INPP5A: variants seen among roughly 807,000 people sequenced by gnomAD.
INPP5A encodes the protein inositol polyphosphate-5-phosphatase A.
INPP5A carries 14 observed loss-of-function variants against 65.2 expected under a neutral mutation model. The ratio of observed to expected loss-of-function variants is 0.21; its 90% CI spans 0.14 to 0.34. The LOEUF is 0.34. Among genes scored for constraint, INPP5A ranks in the 10% least tolerant of loss-of-function variants. INPP5A has a pLI of 1.00. For missense variants in INPP5A, 431 were observed against 545.6 expected (o/e 0.79, Z 2.09); for synonymous variants, 207 against 208.3 (o/e 0.99, Z 0.05).
chr10:132,631,966 A>G (rs2072281207), intron 2 of INPP5A, among the ~76,000 whole-genome samples: 1 of 152,222 alleles, frequency 6.6e-6, no homozygotes, highest in Non-Finnish European at 1.5e-5. Flanking sequence ...AAGGTCACGC[A>G]TGCCAGTGTC....
Position 132,555,024 on chromosome 10 carries a change from A to G in INPP5A, c.75+16853A>G, listed in dbSNP as rs1427207260. On this transcript the variant is annotated intron_variant, in intron 1 of 15. Transcript: ENST00000368594. The surrounding 1 kb of genome is among the most constrained non-coding windows in gnomAD (Gnocchi z 4.4). Reference sequence around the variant, plus strand: ...GGTCCCTGTGGGTAGTATGGGTGGCATGGTATTGTGTGTGGCATGATTGGT... The same window carrying G: ...GGTCCCTGTGGGTAGTATGGGTGGCGTGGTATTGTGTGTGGCATGATTGGT... 5.3e-3 allele frequency among the ~76,000 whole-genome samples: 588 copies of G among 111,536 alleles called. No individual in the cohort carries two copies. Among genetic ancestry groups the G allele is most frequent in the Middle Eastern group, 0.045 (6 of 132 alleles). The allele number at this position is 111,536 out of a possible 152,430, so 73.2% of individuals were successfully genotyped here. A position where few individuals can be genotyped will look rare whatever the true frequency, so the allele number is the denominator to read the frequency against.
chr10:132,735,945 C>T (rs1846168828), intron 9 of INPP5A, among the ~76,000 whole-genome samples: 1 of 152,210 alleles, frequency 6.6e-6, no homozygotes, highest in Non-Finnish European at 1.5e-5. Context: ...TGCCCCACAC[C>T]AGTCTGTGAA....
intron 1 of INPP5A, among the ~76,000 whole-genome samples, chr10:132,554,123 G>A (rs1183195976): frequency 6.6e-6 from 1 of 152,306 alleles, no homozygotes; most frequent in African/African-American, 2.4e-5. Flanking sequence ...TAGGGAGGGA[G>A]GATTCGAGGG....
At chr10:132,713,591 G>A (rs1305386015) in intron 8 of INPP5A, among the ~76,000 whole-genome samples, 1 of 152,054 alleles carries the variant, frequency 6.6e-6, no homozygotes, top group Non-Finnish European at 1.5e-5. Flanking sequence ...CCCTCTGACC[G>A]CCCCTGACCT....
intron 1 of INPP5A, among the ~76,000 whole-genome samples, chr10:132,553,639 A>C (rs1285067071): frequency 8.4e-6 from 1 of 119,568 alleles, no homozygotes; most frequent in Non-Finnish European, 1.7e-5. Context: ...CTTGGTGTGG[A>C]ATATTGAGTA....
intron 12 of INPP5A, among the ~76,000 whole-genome samples, chr10:132,768,401 G>A (rs376683261): frequency 1.8e-3 from 270 of 152,180 alleles, no homozygotes; most frequent in Non-Finnish European, 3.0e-3. Context: ...ATTCCAGAAA[G>A]ATCCATGGAC....
intron 2 of INPP5A, among the ~76,000 whole-genome samples, chr10:132,613,400 A>AGGT (rs1196376956): frequency 6.6e-6 from 1 of 152,148 alleles, no homozygotes; most frequent in Non-Finnish European, 1.5e-5. Context: ...GGGCTCTTGG[A>AGGT]GGTGGACAGC....
At chr10:132,621,775 G>C (rs1590873860) in intron 2 of INPP5A, among the ~76,000 whole-genome samples, 2 of 151,806 alleles carry the variant, frequency 1.3e-5, no homozygotes, top group African/African-American at 2.4e-5. Context: ...AATCGTGAGG[G>C]GGGTATGTCT....
chr10:132,782,299 T>C lies in INPP5A; in HGVS notation c.*270T>C. 2.7e-6 allele frequency: 1 copy of C among 368,320 alleles called. No individual in the cohort carries two copies. Among genetic ancestry groups the C allele is most frequent in the Non-Finnish European group, 5.2e-6 (1 of 191,452 alleles). The allele number at this position is 368,320 out of a possible 1,614,324, so 22.8% of individuals were successfully genotyped here. ...AGTCACAGTCCTGTTGTCAAAACTC[T>C]AATAGACAGCAAAGAGGGTCTGTAC... is the stretch of plus-strand genomic sequence containing the variant. On this transcript the variant is annotated 3_prime_UTR_variant, in exon 16 of 16. Coordinates refer to ENST00000368594, the MANE Select transcript of INPP5A (RefSeq NM_005539.5). This position sits in a 1 kb window ranked among gnomAD's most constrained non-coding sequence, Gnocchi z 4.4.
rs1278987692 is a variant in INPP5A, at chr10:132,765,397, T to A, written c.904-376T>A. ...GCTCACTCTGCAGGTTACTTGACAC[T>A]CTGGGCAGGACAGGAGCTGTGTTCC... On this transcript the variant is annotated intron_variant, in intron 11 of 15. Coordinates refer to ENST00000368594, the MANE Select transcript of INPP5A (RefSeq NM_005539.5). Among the ~76,000 whole-genome samples, 2 of 152,216 alleles carry A rather than the reference T, an allele frequency of 1.3e-5. 1 individual carries two copies. The highest frequency in any genetic ancestry group is 4.8e-5 in the African/African-American group (2 of 41,450).
At chr10:132,578,678 G>A (rs2071441893) in intron 1 of INPP5A, among the ~76,000 whole-genome samples, 1 of 151,206 alleles carries the variant, frequency 6.6e-6, no homozygotes, top group Non-Finnish European at 1.5e-5. Context: ...AGGAGAGTAT[G>A]TGGGGGCTGG....
intron 9 of INPP5A, among the ~76,000 whole-genome samples, chr10:132,735,883 G>A (rs576213646): frequency 1.3e-5 from 2 of 152,338 alleles, no homozygotes; most frequent in Admixed American, 1.3e-4. Context: ...AGACCTGCTT[G>A]TGATTTTTGG....
chr10:132,726,556 G>A (rs1845988228), intron 8 of INPP5A, among the ~76,000 whole-genome samples: 2 of 152,252 alleles, frequency 1.3e-5, no homozygotes, highest in South Asian at 4.1e-4. Flanking sequence ...AGGCAGCTGA[G>A]ACTCTGCCTT....
At position 132,732,218 on chromosome 10, in the gene INPP5A, C is replaced by T. The variant is rs116048555; in HGVS notation, c.732+5313C>T. Among the ~76,000 whole-genome samples, 429 of 152,348 alleles carry T rather than the reference C, an allele frequency of 2.8e-3. 2 individuals carry two copies. The highest frequency in any genetic ancestry group is 0.01 in the African/African-American group (418 of 41,572). Reference sequence around the variant, plus strand: ...TTACTGTTCTGCGCTGTTTGTCTGCCATTTGCAAAGGAATGGGAAGAAAAA... The same window carrying T: ...TTACTGTTCTGCGCTGTTTGTCTGCTATTTGCAAAGGAATGGGAAGAAAAA... On this transcript the variant is annotated intron_variant, in intron 9 of 15. Coordinates refer to ENST00000368594, the MANE Select transcript of INPP5A (RefSeq NM_005539.5).
At chr10:132,578,881 G>A (rs943798595) in intron 1 of INPP5A, among the ~76,000 whole-genome samples, 2 of 152,162 alleles carry the variant, frequency 1.3e-5, no homozygotes, top group Non-Finnish European at 2.9e-5. Context: ...TCTTAGGGAG[G>A]GTGGCAGGCA....
At chr10:132,602,818 T>C (rs185207129) in intron 1 of INPP5A, among the ~76,000 whole-genome samples, 25 of 152,326 alleles carry the variant, frequency 1.6e-4, no homozygotes, top group African/African-American at 6.0e-4. Context: ...CTTTCTGTCA[T>C]CCACTATTGA....
At chr10:132,628,616 G>A (rs987527092) in intron 2 of INPP5A, among the ~76,000 whole-genome samples, 1 of 152,194 alleles carries the variant, frequency 6.6e-6, no homozygotes, top group African/African-American at 2.4e-5. Flanking sequence ...AAACTGGCAG[G>A]ACTTTTCTTA....
chr10:132,556,953 C>T (rs766689339), intron 1 of INPP5A, among the ~76,000 whole-genome samples: 6 of 152,120 alleles, frequency 3.9e-5, no homozygotes, highest in East Asian at 1.9e-4. Flanking sequence ...CTTCTCAGGA[C>T]GGTGTTTACT....
rs1020901963 is a variant in INPP5A at position 132,663,860 on chromosome 10, G to A, written c.306+13355G>A. Among the ~76,000 whole-genome samples, 3 of 152,218 alleles carry A rather than the reference G, an allele frequency of 2.0e-5. No homozygotes were observed. Among genetic ancestry groups the A allele is most frequent in the African/African-American group, 4.8e-5 (2 of 41,466 alleles). On this transcript the variant is annotated intron_variant, in intron 4 of 15. Coordinates refer to ENST00000368594, the MANE Select transcript of INPP5A (RefSeq NM_005539.5). The surrounding 1 kb of genome is among the most constrained non-coding windows in gnomAD (Gnocchi z 4.5). The stretch of plus-strand genomic sequence containing the variant: ...ACATCATTCCTCTCCCCCTGTCGCC[G>A]GGTGGGAAATCCGTAACAGGCTCTG...
Sources: allele counts gnomAD v4.1 joint callset (sites outside exome capture counted in the v4.1 genomes callset), GRCh38; gene constraint gnomAD v4.1.1; non-coding constraint Gnocchi (gnomAD v3.1); transcripts MANE v1.5; gene names NCBI Gene and HGNC (gene_info 2026-07-23, HGNC 2026-07-21).